The following ULK2 variants were observed in gnomAD, a reference collection of about 807,000 sequenced individuals.
ULK2 encodes the protein unc-51 like autophagy activating kinase 2.
A neutral mutation model predicts 127.5 loss-of-function variants in ULK2; 76 were observed. That is an observed-to-expected ratio of 0.60 (90% confidence interval 0.50 to 0.72). ULK2 has a LOEUF of 0.72. Among genes scored for constraint, ULK2 ranks in the 30% least tolerant of loss-of-function variants. ULK2 has a pLI of 0.00. For synonymous variants in ULK2, 452 were observed against 461.9 expected (o/e 0.98, Z 0.28); for missense variants, 1,144 against 1,295.9 (o/e 0.88, Z 1.80).
intron 10 of ULK2, among the ~76,000 whole-genome samples, chr17:19,829,259 A>C (rs575200475): frequency 6.6e-6 from 1 of 152,260 alleles, no homozygotes; most frequent in South Asian, 2.1e-4. Flanking sequence ...AATAAGGCCA[A>C]GTACACTGGC....
intron 10 of ULK2, among the ~76,000 whole-genome samples, chr17:19,836,105 A>T (rs1180017391): frequency 3.3e-5 from 4 of 120,936 alleles, no homozygotes; most frequent in Non-Finnish European, 5.1e-5. Flanking sequence ...CATCTCTACT[A>T]AAAAAAAAAA....
In ULK2 at chr17:19,795,732, AG is replaced by A; in HGVS notation, c.1998-8del. Reference sequence around the variant, plus strand: ...CTTCCCGGTACTGACAGATCTAAAAAGAATAGTGATGTTTTTAATAAAGGAA... The same window carrying A: ...CTTCCCGGTACTGACAGATCTAAAAAAATAGTGATGTTTTTAATAAAGGAA... On this transcript the variant is annotated splice_polypyrimidine_tract_variant and splice_region_variant and intron_variant, in intron 19 of 26. Coordinates refer to ENST00000395544, the MANE Select transcript of ULK2 (RefSeq NM_014683.4). 6.2e-7 allele frequency: 1 copy of A among 1,610,702 alleles called. No individual in the cohort carries two copies. The highest frequency in any genetic ancestry group is 8.5e-7 in the Non-Finnish European group (1 of 1,176,960).
intron 14 of ULK2, among the ~76,000 whole-genome samples, chr17:19,809,797 T>C (rs1055693256): frequency 1.3e-4 from 19 of 147,784 alleles, no homozygotes; most frequent in Non-Finnish European, 2.7e-4. Context: ...CCCAGCTACT[T>C]GGAAGGCTGA....
At chr17:19,849,495 T>A in intron 4 of ULK2, 90 bp from the exon 5 acceptor site, 1 of 1,302,500 alleles carries the variant, frequency 7.7e-7, no homozygotes, top group Non-Finnish European at 1.1e-6. Flanking sequence ...AAATCATTTG[T>A]ATATAATGTC....
chr17:19,846,611 G>T, intron 6 of ULK2, 126 bp downstream of exon 6: 3 of 1,116,932 alleles, frequency 2.7e-6, no homozygotes, highest in Non-Finnish European at 3.8e-6. Flanking sequence ...CTACACGCCA[G>T]CCTGAGCAAC....
At chr17:19,862,980 G>A (rs970754845) in intron 3 of ULK2, among the ~76,000 whole-genome samples, 13 of 152,122 alleles carry the variant, frequency 8.5e-5, no homozygotes, top group African/African-American at 3.1e-4. Context: ...TTGGGAGGCA[G>A]AGGCAGGAGG....
chr17:19,809,242 A>G (rs550215231), intron 14 of ULK2, among the ~76,000 whole-genome samples: 7 of 152,192 alleles, frequency 4.6e-5, no homozygotes, highest in African/African-American at 1.7e-4. Flanking sequence ...AGAAACAGAG[A>G]GCAGAATGTG....
chr17:19,803,413 A>C (rs2087443236), intron 15 of ULK2, among the ~76,000 whole-genome samples: 1 of 152,212 alleles, frequency 6.6e-6, no homozygotes, highest in Non-Finnish European at 1.5e-5. Context: ...CACCACCCTG[A>C]TTCAGGCAAA....
intron 16 of ULK2, among the ~76,000 whole-genome samples, chr17:19,800,026 G>T (rs2087363597): frequency 6.6e-6 from 1 of 152,206 alleles, no homozygotes; most frequent in African/African-American, 2.4e-5. Context: ...GCTTGTTGAA[G>T]CGGGTCAGGG....
chr17:19,796,124 G>C lies in ULK2; in HGVS notation c.1968C>G (p.Ala656=). The C allele has an allele frequency of 1.9e-6, 3 of 1,613,228 alleles. No homozygotes were observed. Among genetic ancestry groups the C allele is most frequent in the Non-Finnish European group, 2.5e-6 (3 of 1,179,742 alleles). ...LLVQGSERQR[A]EQQSKAVFGR... ...CAAACACTGCCTTGCTCTGCTGCTC[G>C]GCCCGCTGCCTCTCACTTCCTTGCA... The change falls in exon 19 of 27, where the codon GCC becomes GCG. Residue 656 remains alanine, a synonymous_variant. Transcript: ENST00000395544.
intron 22 of ULK2, among the ~76,000 whole-genome samples, chr17:19,782,397 C>G (rs1274461222): frequency 6.6e-6 from 1 of 152,152 alleles, no homozygotes; most frequent in African/African-American, 2.4e-5. Context: ...ACAAGGTAGA[C>G]ACAAAGATTA....
intron 10 of ULK2, among the ~76,000 whole-genome samples, chr17:19,830,972 A>G (rs964548075): frequency 6.7e-6 from 1 of 148,796 alleles, no homozygotes; most frequent in Non-Finnish European, 1.5e-5. Flanking sequence ...GGTTACAGTG[A>G]GCCACGATTG....
chr17:19,797,004 C>T (rs760768051), intron 18 of ULK2, among the ~76,000 whole-genome samples: 1 of 152,184 alleles, frequency 6.6e-6, no homozygotes, highest in Non-Finnish European at 1.5e-5. Context: ...TATATTATAG[C>T]TATTATTGTC....
In ULK2 at chr17:19,772,657, C is replaced by T. The variant is rs1442268413; in HGVS notation, c.*3692G>A. The T allele has an allele frequency of 1.3e-5, 2 of 152,228 alleles. No homozygotes were observed. Among genetic ancestry groups the T allele is most frequent in the African/African-American group, 4.8e-5 (2 of 41,468 alleles). The allele number at this position is 152,228 out of a possible 1,614,324, so 9.4% of individuals were successfully genotyped here. A position where few individuals can be genotyped will look rare whatever the true frequency, so the allele number is the denominator to read the frequency against. On this transcript the variant is annotated 3_prime_UTR_variant, in exon 27 of 27. Coordinates refer to ENST00000395544, the MANE Select transcript of ULK2 (RefSeq NM_014683.4). ...CATAGTTTAAAAAGTGTGAAGTCCT[C>T]CTCCAAAACATGTGCTAACCACTAA...
At chr17:19,800,319 A>T (rs905625544) in intron 16 of ULK2, among the ~76,000 whole-genome samples, 18 of 152,120 alleles carry the variant, frequency 1.2e-4, no homozygotes, top group Non-Finnish European at 2.2e-4. Flanking sequence ...ACAGAGAGAG[A>T]GAGTTAGGGA....
intron 15 of ULK2, 46 bp from the exon 16 acceptor site, chr17:19,801,968 T>C: frequency 1.3e-6 from 2 of 1,532,156 alleles, no homozygotes; most frequent in Non-Finnish European, 1.7e-6. Flanking sequence ...AGAACTCTCT[T>C]TTTATTCCTG....
intron 10 of ULK2, among the ~76,000 whole-genome samples, chr17:19,829,411 C>T (rs2041374948): frequency 6.6e-6 from 1 of 151,830 alleles, no homozygotes; most frequent in Non-Finnish European, 1.5e-5. Flanking sequence ...TAGCTTTGCA[C>T]CTGTAGTCCC....
chr17:19,800,127 C>T (rs2087365662), intron 16 of ULK2, among the ~76,000 whole-genome samples: 4 of 152,214 alleles, frequency 2.6e-5, no homozygotes, highest in Non-Finnish European at 5.9e-5. Flanking sequence ...TGAGACTCTT[C>T]CTGGCCAGCT....
chr17:19,822,692 GT>G (rs547376562), intron 12 of ULK2, among the ~76,000 whole-genome samples: 28 of 144,732 alleles, frequency 1.9e-4, no homozygotes, highest in Non-Finnish European at 4.1e-4. Context: ...TGTTTGGTTT[GT>G]TTTTTTTTAT....
Sources: gnomAD v4.1 joint callset for allele counts (sites outside exome capture counted in the v4.1 genomes callset) on GRCh38, gnomAD v4.1.1 for gene constraint, MANE v1.5 for transcripts, NCBI Gene and HGNC (gene_info 2026-07-23, HGNC 2026-07-21) for gene names.